FOXJ3: variants seen among roughly 807,000 people sequenced by gnomAD.
FOXJ3 encodes forkhead box protein J3.
A neutral mutation model predicts 76.1 loss-of-function variants in FOXJ3; 22 were observed. The observed-to-expected ratio is 0.29, with a 90% CI of 0.21 to 0.41. The LOEUF (loss-of-function observed/expected upper bound fraction) is 0.41. Among genes scored for constraint, FOXJ3 ranks in the 10% least tolerant of loss-of-function variants. FOXJ3 has a pLI of 1.00. For synonymous variants in FOXJ3, 269 were observed against 261.2 expected (o/e 1.03, Z -0.29); for missense variants, 613 against 762.1 (o/e 0.80, Z 2.30).
At chr1:42,187,645 T>C (rs1646464940) in intron 11 of FOXJ3, among the ~76,000 whole-genome samples, 1 of 151,462 alleles carries the variant, frequency 6.6e-6, no homozygotes, top group Non-Finnish European at 1.5e-5. Context: ...TGAATATATA[T>C]CAGAAAGATA....
At chr1:42,204,825 T>A (rs992439403) in intron 6 of FOXJ3, among the ~76,000 whole-genome samples, 1 of 151,934 alleles carries the variant, frequency 6.6e-6, no homozygotes. Flanking sequence ...CTTTCTGAAC[T>A]AGAAATCTGA....
intron 2 of FOXJ3, among the ~76,000 whole-genome samples, chr1:42,294,027 G>A (rs557090155): frequency 1.3e-5 from 2 of 152,100 alleles, no homozygotes; most frequent in Non-Finnish European, 2.9e-5. Context: ...AAGGACGTAA[G>A]TATTCAATAT....
chr1:42,294,117 T>C (rs1336625488), intron 2 of FOXJ3, among the ~76,000 whole-genome samples: 1 of 152,204 alleles, frequency 6.6e-6, no homozygotes, highest in Non-Finnish European at 1.5e-5. Context: ...GATGTTCTAA[T>C]ACAAAGCTGG....
chr1:42,275,598 G>T (rs1199529125), intron 3 of FOXJ3, among the ~76,000 whole-genome samples: 1 of 152,144 alleles, frequency 6.6e-6, no homozygotes, highest in Non-Finnish European at 1.5e-5. Context: ...GGAGTTTGAG[G>T]CTGCAGTGAG....
At chr1:42,234,379 T>C (rs1309911130) in intron 4 of FOXJ3, among the ~76,000 whole-genome samples, 1 of 152,212 alleles carries the variant, frequency 6.6e-6, no homozygotes, top group Non-Finnish European at 1.5e-5. Context: ...TTTGATCGTC[T>C]GAAGCCTTCT....
intron 1 of FOXJ3, among the ~76,000 whole-genome samples, chr1:42,314,956 T>C (rs1473660564): frequency 6.6e-6 from 1 of 152,148 alleles, no homozygotes; most frequent in Non-Finnish European, 1.5e-5. Context: ...CAAAGTATGG[T>C]TTATCTAAGT....
At chr1:42,324,014 A>ATATATATAG (rs1655585346) in intron 1 of FOXJ3, among the ~76,000 whole-genome samples, 1 of 130,110 alleles carries the variant, frequency 7.7e-6, no homozygotes, top group African/African-American at 2.9e-5. Context: ...GAACTACTAA[A>ATATATATAG]TATATATAGT....
At chr1:42,250,211 CT>C (rs2124562480) in intron 4 of FOXJ3, among the ~76,000 whole-genome samples, 1 of 152,254 alleles carries the variant, frequency 6.6e-6, no homozygotes, top group South Asian at 2.1e-4. Flanking sequence ...AATCATTTTA[CT>C]TTTTAAAAAA....
intron 2 of FOXJ3, among the ~76,000 whole-genome samples, chr1:42,282,410 T>C (rs1372499916): frequency 6.6e-6 from 1 of 152,170 alleles, no homozygotes; most frequent in Non-Finnish European, 1.5e-5. Context: ...TACATCTAAA[T>C]TCCTCATTTT....
chr1:42,258,073 A>G (rs1650743481), intron 4 of FOXJ3, among the ~76,000 whole-genome samples: 1 of 152,206 alleles, frequency 6.6e-6, no homozygotes, highest in African/African-American at 2.4e-5. Flanking sequence ...ATCTATTACT[A>G]TTGCCAAGTA....
At chr1:42,227,838 A>G in intron 5 of FOXJ3, 45 bp downstream of exon 5, 1 of 1,028,066 alleles carries the variant, frequency 9.7e-7, no homozygotes, top group Non-Finnish European at 1.4e-6. Flanking sequence ...TGTATTTCAG[A>G]CATATTCAAT....
intron 7 of FOXJ3, among the ~76,000 whole-genome samples, chr1:42,198,476 C>CT (rs1280136304): frequency 6.6e-6 from 1 of 152,110 alleles, no homozygotes; most frequent in African/African-American, 2.4e-5. Context: ...GTGTGTAGCT[C>CT]TTGGGCTCTA....
chr1:42,266,735 A>T (rs1651492197), intron 3 of FOXJ3, among the ~76,000 whole-genome samples: 2 of 152,144 alleles, frequency 1.3e-5, no homozygotes, highest in Non-Finnish European at 2.9e-5. Context: ...AAAGTGATTG[A>T]CAGTGACAGG....
chr1:42,283,662 C>A (rs1125792), intron 2 of FOXJ3, among the ~76,000 whole-genome samples: 111,361 of 152,042 alleles, frequency 0.73, 40,981 homozygotes, highest in Admixed American at 0.81. Context: ...CGGCACATAA[C>A]AAAACTGAGC....
At chr1:42,180,719 TA>T (rs896664176) in intron 12 of FOXJ3, among the ~76,000 whole-genome samples, 2 of 152,056 alleles carry the variant, frequency 1.3e-5, no homozygotes, top group East Asian at 1.9e-4. Context: ...TGCCTCCATT[TA>T]AAAAAAACTT....
chr1:42,292,586 A>G (rs1010994481), intron 2 of FOXJ3, among the ~76,000 whole-genome samples: 1 of 152,228 alleles, frequency 6.6e-6, no homozygotes, highest in Admixed American at 6.5e-5. Flanking sequence ...AAAATCTAGA[A>G]AATGCAAATA....
At position 42,186,080 on chromosome 1, in the gene FOXJ3, G is replaced by C. The variant is rs188293596; in HGVS notation, c.1645+2657C>G. Among the ~76,000 whole-genome samples the C allele has an allele frequency of 1.8e-4, 27 of 152,220 alleles. 1 individual carries two copies. The East Asian group carries it at 4.8e-3, about 27-fold the overall frequency. ...AACAGCTCTCTGAAAGTCTCCTCTT[G>C]ACTATACTTCTAAGAAATTATGACA... is the stretch of plus-strand genomic sequence containing the variant. On this transcript the variant is annotated intron_variant, in intron 11 of 12. Coordinates refer to ENST00000361346, the MANE Select transcript of FOXJ3 (RefSeq NM_014947.5).
chr1:42,182,043 G>C lies in FOXJ3; in HGVS notation c.1646-19C>G, dbSNP rs1261069854. On this transcript the variant is annotated intron_variant, in intron 11 of 12. Transcript: ENST00000361346. The stretch of plus-strand genomic sequence containing the variant: ...AAATTTCCTAATCAGATTAAAAGCA[G>C]AAAGAGGGAAAACATGTTACCACAA... 2 of 1,394,722 alleles carry C rather than the reference G, an allele frequency of 1.4e-6. No individual in the cohort carries two copies. The highest frequency in any genetic ancestry group is 1.8e-5 in the Admixed American group (1 of 55,682). 86.4% of individuals were successfully genotyped at this position (1,394,722 alleles called of 1,614,324 possible). A position where few individuals can be genotyped will look rare whatever the true frequency, so the allele number is the denominator to read the frequency against.
chr1:42,314,432 T>C lies in FOXJ3; in HGVS notation c.-17-3322A>G, dbSNP rs975886004. 2.6e-5 allele frequency among the ~76,000 whole-genome samples: 4 copies of C among 152,172 alleles called. No individual in the cohort carries two copies. The South Asian group carries it at 6.2e-4, about 24-fold the overall frequency. On this transcript the variant is annotated intron_variant, in intron 1 of 12. Transcript: ENST00000361346. ...TGTCTGGCTACTTTTCTGTATTTAG[T>C]AGAGGGGGTTTCACCATGTTGGTCA...
Sources: allele counts gnomAD v4.1 joint callset (sites outside exome capture counted in the v4.1 genomes callset), GRCh38; gene constraint gnomAD v4.1.1; transcripts MANE v1.5; gene names NCBI Gene and HGNC (gene_info 2026-07-23, HGNC 2026-07-21).